Variants in EDN1 observed in about 807,000 individuals in gnomAD.
EDN1 encodes endothelin-1.
Under a neutral mutation model 21.7 loss-of-function variants are expected in EDN1, and 11 were observed. The observed-to-expected ratio is 0.51, with a 90% CI of 0.32 to 0.84. The LOEUF (loss-of-function observed/expected upper bound fraction) is 0.84, where lower values mean the gene tolerates loss of function less well. Ranked by LOEUF, EDN1 falls within the 40% of genes least tolerant of loss-of-function variation. The pLI is 0.03. For missense variants in EDN1, 244 were observed against 262.3 expected (o/e 0.93, Z 0.48); for synonymous variants, 85 against 90.6 (o/e 0.94, Z 0.35).
the EDN1 span, among the ~76,000 whole-genome samples, chr6:12,248,238 G>A: frequency 6.6e-6 from 1 of 152,200 alleles, no homozygotes; most frequent in East Asian, 1.9e-4. Context: ...TTGACATGGA[G>A]CAAGAAGGAG....
the EDN1 span, among the ~76,000 whole-genome samples, chr6:12,238,129 G>A: frequency 2.9e-5 from 4 of 139,398 alleles, no homozygotes; most frequent in African/African-American, 8.1e-5. Context: ...TTGAGATGGC[G>A]CCACTGCACT....
the EDN1 span, among the ~76,000 whole-genome samples, chr6:12,285,312 C>G: frequency 1.3e-5 from 2 of 152,218 alleles, no homozygotes; most frequent in Admixed American, 6.5e-5. Flanking sequence ...CCGTTAAAAA[C>G]TTTTTGGGAT....
the EDN1 span, among the ~76,000 whole-genome samples, chr6:12,249,739 G>A: frequency 6.6e-6 from 1 of 152,068 alleles, no homozygotes; most frequent in African/African-American, 2.4e-5. Context: ...AGCTGGCAAA[G>A]CCAGAGTCCT....
the EDN1 span, among the ~76,000 whole-genome samples, chr6:12,253,875 C>T: frequency 2.0e-5 from 3 of 152,108 alleles, no homozygotes; most frequent in African/African-American, 4.8e-5. Context: ...ATCTACCGCC[C>T]GTGACGTTTT....
chr6:12,242,212 A>G, the EDN1 span, among the ~76,000 whole-genome samples: 1 of 152,176 alleles, frequency 6.6e-6, no homozygotes, highest in Non-Finnish European at 1.5e-5. Flanking sequence ...GTGTCGCCCA[A>G]CAGTCAGTGT....
At chr6:12,270,191 G>C in the EDN1 span, among the ~76,000 whole-genome samples, 1 of 151,888 alleles carries the variant, frequency 6.6e-6, no homozygotes, top group African/African-American at 2.4e-5. Flanking sequence ...AGTTAGTCTG[G>C]CTAAAGATTG....
At chr6:12,258,449 C>CAAAAA in the EDN1 span, among the ~76,000 whole-genome samples, 16,802 of 63,252 alleles carry the variant, frequency 0.27, 4,222 homozygotes, top group Non-Finnish European at 0.4. Flanking sequence ...GATCATGTCT[C>CAAAAA]AAAAAAAAAA....
chr6:12,243,127 A>G, the EDN1 span, among the ~76,000 whole-genome samples: 3 of 152,194 alleles, frequency 2.0e-5, no homozygotes, highest in Non-Finnish European at 4.4e-5. Flanking sequence ...CCCATTTTGT[A>G]TGTTATATGT....
chr6:12,262,543 A>G, the EDN1 span, among the ~76,000 whole-genome samples: 1 of 152,206 alleles, frequency 6.6e-6, no homozygotes, highest in African/African-American at 2.4e-5. Flanking sequence ...TAAAATAGGA[A>G]ATAAAAATGA....
the EDN1 span, among the ~76,000 whole-genome samples, chr6:12,272,720 G>A: frequency 2.0e-5 from 3 of 151,832 alleles, no homozygotes; most frequent in African/African-American, 7.3e-5. Context: ...ACCCGCCTCG[G>A]CCTCCCAAAA....
At position 12,296,023 on chromosome 6, in the gene EDN1, C is replaced by T. The variant is rs533222953; in HGVS notation, c.595C>T (p.Pro199Ser). The T allele has an allele frequency of 5.6e-6, 9 of 1,614,090 alleles. No individual in the cohort carries two copies. The East Asian group carries it at 2.0e-4, about 36-fold the overall frequency. ...TCATGATCCCAAGCTGAAAGGCAAG[C>T]CCTCCAGAGAGCGTTATGTGACCCA... ...SFHDPKLKGK[P>S]SRERYVTHNR... Residue 199 changes from proline to serine, a missense_variant, in exon 5 of 5, where the codon CCC (proline) becomes TCC (serine). Coordinates refer to ENST00000379375, the MANE Select transcript of EDN1 (RefSeq NM_001955.5).
the EDN1 span, among the ~76,000 whole-genome samples, chr6:12,260,118 C>G: frequency 6.6e-6 from 1 of 151,706 alleles, no homozygotes; most frequent in Admixed American, 6.6e-5. Flanking sequence ...ACATGGTAGA[C>G]AAATATATAA....
At chr6:12,289,152 TTAGA>T (rs1393229105), upstream of EDN1, among the ~76,000 whole-genome samples, 4 of 152,200 alleles carry the variant, frequency 2.6e-5, no homozygotes, top group Non-Finnish European at 4.4e-5. Flanking sequence ...GATTTCAAGG[TTAGA>T]TAGACAGGAA....
intron 1 of EDN1, among the ~76,000 whole-genome samples, chr6:12,291,238 C>A (rs1283907138): frequency 6.6e-6 from 1 of 151,082 alleles, no homozygotes; most frequent in Non-Finnish European, 1.5e-5. Flanking sequence ...CCGCCACCAC[C>A]CCCCGCAGGC....
the EDN1 span, among the ~76,000 whole-genome samples, chr6:12,249,309 A>G: frequency 0.024 from 3,648 of 152,242 alleles, 52 homozygotes; most frequent in South Asian, 0.047. Flanking sequence ...TTGCAATACT[A>G]TGGGATTCCT....
At chr6:12,288,263 TC>T (rs1044310512), upstream of EDN1, among the ~76,000 whole-genome samples, 7 of 146,676 alleles carry the variant, frequency 4.8e-5, no homozygotes, top group Admixed American at 4.1e-4. Flanking sequence ...GTAGGGGGAG[TC>T]CCTGCCAAGA....
At chr6:12,245,652 C>T in the EDN1 span, among the ~76,000 whole-genome samples, 8 of 152,320 alleles carry the variant, frequency 5.3e-5, no homozygotes, top group South Asian at 6.2e-4. Flanking sequence ...ATGACCAAGC[C>T]CTCCACCCCT....
At chr6:12,261,621 C>G in the EDN1 span, among the ~76,000 whole-genome samples, 3 of 152,210 alleles carry the variant, frequency 2.0e-5, no homozygotes, top group Non-Finnish European at 4.4e-5. Flanking sequence ...ATACAGAACA[C>G]TTCCCCTAAT....
Position 12,290,663 on chromosome 6 carries a change from T to C in EDN1, c.34T>C (p.Phe12Leu). The C allele has an allele frequency of 6.2e-7, 1 of 1,614,256 alleles. No individual in the cohort carries two copies. Among genetic ancestry groups the C allele is most frequent in the Non-Finnish European group, 8.5e-7 (1 of 1,180,040 alleles). ...TTTGCTCATGATTTTCTCTCTGCTGTTTGTGGCTTGCCAAGGAGCTCCAGA... is the reference window on the plus strand; with the variant it reads ...TTTGCTCATGATTTTCTCTCTGCTGCTTGTGGCTTGCCAAGGAGCTCCAGA... ...DYLLMIFSLL[F>L]VACQGAPETA... is the part of the protein sequence containing the mutation. Residue 12 changes from phenylalanine to leucine, a missense_variant, in exon 1 of 5, where the codon TTT (phenylalanine) becomes CTT (leucine). By Grantham distance (22) the Phe-to-Leu change is conservative. Coordinates refer to ENST00000379375, the MANE Select transcript of EDN1 (RefSeq NM_001955.5).
Sources: gnomAD v4.1 joint callset for allele counts (sites outside exome capture counted in the v4.1 genomes callset) on GRCh38, gnomAD v4.1.1 for gene constraint, MANE v1.5 for transcripts, NCBI Gene and HGNC (gene_info 2026-07-23, HGNC 2026-07-21) for gene names.